OR2A14: variants seen among roughly 807,000 people sequenced by gnomAD.
The protein encoded by OR2A14 is olfactory receptor 2A14.
A neutral mutation model predicts 2.4 loss-of-function variants in OR2A14; 2 were observed. The ratio of observed to expected loss-of-function variants is 0.85; its 90% CI spans 0.35 to 2.67. The LOEUF (loss-of-function observed/expected upper bound fraction) is 2.67. Among genes scored for constraint, OR2A14 ranks in the 30% most tolerant of loss-of-function variants. The pLI is 0.10. For synonymous variants in OR2A14, 160 were observed against 156.3 expected, an observed-to-expected ratio of 1.02 and a Z score of -0.18; for missense variants, 390 against 379.4, an observed-to-expected ratio of 1.03 and a Z score of -0.23.
intron 1 of OR2A14, among the ~76,000 whole-genome samples, chr7:144,126,364 G>A (rs766274848): frequency 6.6e-6 from 1 of 152,116 alleles, no homozygotes; most frequent in Non-Finnish European, 1.5e-5. Flanking sequence ...GCTCACTATG[G>A]TTCAGGTACA....
intron 1 of OR2A14, among the ~76,000 whole-genome samples, chr7:144,127,154 C>A (rs1375764998): frequency 6.6e-6 from 1 of 152,200 alleles, no homozygotes; most frequent in Non-Finnish European, 1.5e-5. Flanking sequence ...GTGTTTACAT[C>A]ATCCACAGCT....
chr7:144,125,109 G>A (rs1284021033), intron 1 of OR2A14, among the ~76,000 whole-genome samples: 4 of 152,082 alleles, frequency 2.6e-5, no homozygotes, highest in Middle Eastern at 3.4e-3. Context: ...CAGTCCTTTT[G>A]GTATCTGTGG....
chr7:144,123,359 A>T (rs949932765), intron 1 of OR2A14, 95 bp downstream of exon 1: 3 of 152,236 alleles, frequency 2.0e-5, no homozygotes, highest in African/African-American at 7.2e-5. Context: ...GATAGTAGCG[A>T]TGAAATGCCC....
rs762762487 is a variant in OR2A14 at position 144,130,090 on chromosome 7, A to G, written c.*45A>G. On this transcript the variant is annotated 3_prime_UTR_variant, in exon 2 of 2. Transcript: ENST00000641068. ...TGGGGAGGGAGCCTTGCTCCCTGCA[A>G]AATATAGAAGTTGGCTTTTTTTTTT... is the stretch of plus-strand genomic sequence containing the variant. 1.4e-6 allele frequency: 2 copies of G among 1,475,756 alleles called. No individual in the cohort carries two copies. Among genetic ancestry groups the G allele is most frequent in the Admixed American group, 2.3e-5 (1 of 42,764 alleles). 91.4% of individuals were successfully genotyped at this position (1,475,756 alleles called of 1,614,324 possible).
chr7:144,129,213 A>G lies in OR2A14; in HGVS notation c.101A>G (p.Tyr34Cys), dbSNP rs2051507728. 1.2e-6 allele frequency: 2 copies of G among 1,613,532 alleles called. No homozygotes were observed. Among genetic ancestry groups the G allele is most frequent in the Non-Finnish European group, 8.5e-7 (1 of 1,179,986 alleles). The change falls in exon 2 of 2, where the codon TAT becomes TGT. Residue 34 changes from tyrosine to cysteine, a missense_variant. Coordinates refer to ENST00000641068, the MANE Select transcript of OR2A14 (RefSeq NM_001001659.3). ...ILLCGLFSAF[Y>C]TLTLLGNGVI... Reference sequence around the variant, plus strand: ...CTCTGTGGACTTTTCTCTGCCTTCTATACACTCACCCTGCTGGGGAATGGG... The same window carrying G: ...CTCTGTGGACTTTTCTCTGCCTTCTGTACACTCACCCTGCTGGGGAATGGG...
intron 1 of OR2A14, among the ~76,000 whole-genome samples, chr7:144,126,366 T>C (rs1389119785): frequency 1.3e-5 from 2 of 152,186 alleles, no homozygotes; most frequent in Non-Finnish European, 2.9e-5. Flanking sequence ...TCACTATGGT[T>C]CAGGTACATT....
intron 1 of OR2A14, among the ~76,000 whole-genome samples, chr7:144,124,935 A>G (rs1273661144): frequency 6.6e-6 from 1 of 152,252 alleles, no homozygotes; most frequent in African/African-American, 2.4e-5. Flanking sequence ...GAAAAGCAAG[A>G]TAAACGTGAA....
At position 144,125,070 on chromosome 7, in the gene OR2A14, A is replaced by G. The variant is rs1458251341; in HGVS notation, c.-35+1806A>G. Among the ~76,000 whole-genome samples, 4 of 152,196 alleles carry G rather than the reference A, an allele frequency of 2.6e-5. No homozygotes were observed. In the East Asian group the frequency reaches 7.7e-4, roughly 29 times the overall value. ...GACATTTATTAAATTCCTATAATGT[A>G]CCAGTGCGATGGTATTTCTTCTTCA... On this transcript the variant is annotated intron_variant, in intron 1 of 1. Coordinates refer to ENST00000641068, the MANE Select transcript of OR2A14 (RefSeq NM_001001659.3).
At chr7:144,124,096 T>C (rs2051464727) in intron 1 of OR2A14, among the ~76,000 whole-genome samples, 1 of 152,154 alleles carries the variant, frequency 6.6e-6, no homozygotes, top group South Asian at 2.1e-4. Flanking sequence ...GTCATAAAGC[T>C]AGTATGCAGC....
intron 1 of OR2A14, among the ~76,000 whole-genome samples, chr7:144,123,488 C>T (rs1427091082): frequency 6.6e-6 from 1 of 152,132 alleles, no homozygotes; most frequent in East Asian, 1.9e-4. Context: ...TTCTCGGCCC[C>T]TCCATCCATA....
chr7:144,127,730 G>A (rs2051491881), intron 1 of OR2A14, among the ~76,000 whole-genome samples: 1 of 152,098 alleles, frequency 6.6e-6, no homozygotes, highest in Admixed American at 6.6e-5. Context: ...TAAAATAAAA[G>A]ACATCAAAAT....
At position 144,129,686 on chromosome 7, in the gene OR2A14, T is replaced by C; in HGVS notation, c.574T>C (p.Trp192Arg). ...CCTCAAGTTGGCCTGTGCTGACACCTGGCTCAACCAGGTGGTCATCTTTGC... is the reference window on the plus strand; with the variant it reads ...CCTCAAGTTGGCCTGTGCTGACACCCGGCTCAACCAGGTGGTCATCTTTGC... ...SVLKLACADTWLNQVVIFAAC... is the reference protein window; with the variant it reads ...SVLKLACADTRLNQVVIFAAC... The change falls in exon 2 of 2, where the codon TGG becomes CGG. Residue 192 changes from tryptophan to arginine, a missense_variant. Physicochemically the swap from Trp to Arg is moderately radical, Grantham distance 101. Coordinates refer to ENST00000641068, the MANE Select transcript of OR2A14 (RefSeq NM_001001659.3). 6.2e-7 allele frequency: 1 copy of C among 1,614,186 alleles called. No individual in the cohort carries two copies. The highest frequency in any genetic ancestry group is 8.5e-7 in the Non-Finnish European group (1 of 1,180,032).
At position 144,131,180 on chromosome 7, in the gene OR2A14, T is replaced by C. The variant is rs1408527932; in HGVS notation, c.*1135T>C. On this transcript the variant is annotated 3_prime_UTR_variant, in exon 2 of 2. Coordinates refer to ENST00000641068, the MANE Select transcript of OR2A14 (RefSeq NM_001001659.3). ...ATAGCCAGTGGACTGTAAATATTCATGGTTTCTCCATCACACAGGAATTAA... is the reference window on the plus strand; with the variant it reads ...ATAGCCAGTGGACTGTAAATATTCACGGTTTCTCCATCACACAGGAATTAA... The C allele has an allele frequency of 6.6e-6, 1 of 152,254 alleles. No individual in the cohort carries two copies. Among genetic ancestry groups the C allele is most frequent in the African/African-American group, 2.4e-5 (1 of 41,478 alleles). 9.4% of individuals were successfully genotyped at this position (152,254 alleles called of 1,614,324 possible).
At chr7:144,128,559 G>C (rs2051499677) in intron 1 of OR2A14, among the ~76,000 whole-genome samples, 1 of 152,186 alleles carries the variant, frequency 6.6e-6, no homozygotes, top group Non-Finnish European at 1.5e-5. Context: ...ATTTAAAAGT[G>C]ATTTCAAATC....
Position 144,129,386 on chromosome 7 carries a change from T to A in OR2A14, c.274T>A (p.Ser92Thr), listed in dbSNP as rs1027163962. The A allele has an allele frequency of 3.1e-6, 5 of 1,614,206 alleles. No individual in the cohort carries two copies. In the Admixed American group the frequency reaches 5.0e-5, roughly 16 times the overall value. ...TNLMNQESTI[S>T]FFPCIMQTFL... is the part of the protein sequence containing the mutation. ...TCTTATGAACCAGGAAAGCACCATC[T>A]CCTTTTTTCCATGCATAATGCAGAC... The change falls in exon 2 of 2, where the codon TCC becomes ACC. Residue 92 changes from serine to threonine, a missense_variant. By Grantham distance (58) the Ser-to-Thr change is moderately conservative (BLOSUM62 1). Coordinates refer to ENST00000641068, the MANE Select transcript of OR2A14 (RefSeq NM_001001659.3).
At chr7:144,128,201 C>A (rs2051496733) in intron 1 of OR2A14, among the ~76,000 whole-genome samples, 1 of 152,114 alleles carries the variant, frequency 6.6e-6, no homozygotes, top group Non-Finnish European at 1.5e-5. Context: ...GAAAAGAGTC[C>A]AATAAAATAC....
rs183256803 is a variant in OR2A14 at position 144,126,028 on chromosome 7, G to T, written c.-35+2764G>T. ...AATATGCAAAATATCCATGTGCTTG[G>T]AGGTCTCAGGGATAAAAGGCTTCTC... On this transcript the variant is annotated intron_variant, in intron 1 of 1. Transcript: ENST00000641068. Among the ~76,000 whole-genome samples, 4 of 152,280 alleles carry T rather than the reference G, an allele frequency of 2.6e-5. No homozygotes were observed. In the East Asian group the frequency reaches 7.7e-4, roughly 29 times the overall value.
intron 1 of OR2A14, among the ~76,000 whole-genome samples, chr7:144,126,318 T>C (rs2051482656): frequency 6.6e-6 from 1 of 152,218 alleles, no homozygotes; most frequent in Non-Finnish European, 1.5e-5. Context: ...TTGTTAAAAA[T>C]ATAAACAAGG....
intron 1 of OR2A14, among the ~76,000 whole-genome samples, chr7:144,125,952 C>T (rs1322044275): frequency 6.6e-6 from 1 of 152,016 alleles, no homozygotes; most frequent in Non-Finnish European, 1.5e-5. Context: ...GGCCTTGGAA[C>T]AGTAGGAGCA....
Sources: gnomAD v4.1 joint callset for allele counts (sites outside exome capture counted in the v4.1 genomes callset) on GRCh38, gnomAD v4.1.1 for gene constraint, MANE v1.5 for transcripts, NCBI Gene and HGNC (gene_info 2026-07-23, HGNC 2026-07-21) for gene names.